Variants in LUZP2 observed in about 807,000 individuals in gnomAD.
LUZP2 encodes leucine zipper protein 2.
LUZP2 carries 52 observed loss-of-function variants against 51.6 expected under a neutral mutation model. The observed-to-expected ratio is 1.01, with a 90% confidence interval of 0.81 to 1.27. LUZP2 has a LOEUF of 1.27. Ranked by LOEUF, LUZP2 falls within the 50% of genes most tolerant of loss-of-function variation. The pLI is 0.00. For missense variants in LUZP2, 436 were observed against 395.4 expected (o/e 1.10, Z -0.87); for synonymous variants, 154 against 137.3 (o/e 1.12, Z -0.85).
intron 7 of LUZP2, among the ~76,000 whole-genome samples, chr11:24,917,061 G>T (rs559399566): frequency 1.3e-5 from 2 of 152,262 alleles, no homozygotes; most frequent in South Asian, 4.2e-4. Flanking sequence ...TTGTGGTTTT[G>T]ATTTGCATTT....
chr11:24,996,569 CT>C (rs1554951921), intron 9 of LUZP2, among the ~76,000 whole-genome samples: 5 of 141,660 alleles, frequency 3.5e-5, no homozygotes, highest in African/African-American at 1.4e-4. Context: ...TTTCTTTTTT[CT>C]TTTTTTATTT....
intron 5 of LUZP2, among the ~76,000 whole-genome samples, chr11:24,770,348 T>A (rs1369119772): frequency 6.6e-6 from 1 of 152,152 alleles, no homozygotes; most frequent in Admixed American, 6.6e-5. Flanking sequence ...AGAGTGGGTT[T>A]GATTCTGGTC....
At chr11:24,799,257 C>T (rs375602654) in intron 5 of LUZP2, among the ~76,000 whole-genome samples, 6 of 152,068 alleles carry the variant, frequency 3.9e-5, no homozygotes, top group African/African-American at 1.4e-4. Context: ...AGAGAGAAAA[C>T]TGAGTAACAC....
rs1857475364 is a variant in LUZP2, at chr11:25,025,874, C to T, written c.766-24164C>T. 2.0e-5 allele frequency among the ~76,000 whole-genome samples: 3 copies of T among 152,084 alleles called. No homozygotes were observed. The South Asian group carries it at 6.2e-4, about 32-fold the overall frequency. ...TTTATTGTGGCACTATTCACAATAG[C>T]AAAGACTTCGAACCAACCCAAATGT... On this transcript the variant is annotated intron_variant, in intron 9 of 11. Transcript: ENST00000336930.
At chr11:24,554,863 G>A (rs1040225600) in intron 1 of LUZP2, among the ~76,000 whole-genome samples, 1 of 152,036 alleles carries the variant, frequency 6.6e-6, no homozygotes. Context: ...TTGGGAAGAT[G>A]CAACTTTGCA....
At chr11:24,963,816 G>A (rs568075622) in intron 7 of LUZP2, among the ~76,000 whole-genome samples, 12 of 152,178 alleles carry the variant, frequency 7.9e-5, no homozygotes, top group South Asian at 4.2e-4. Flanking sequence ...AGATGAACCC[G>A]GTACCTCAGA....
intron 7 of LUZP2, among the ~76,000 whole-genome samples, chr11:24,952,612 C>T (rs184510774): frequency 1.3e-5 from 2 of 151,558 alleles, no homozygotes; most frequent in Non-Finnish European, 3.0e-5. Flanking sequence ...GTGAGAGATT[C>T]GAAAATGTGG....
chr11:24,675,554 CT>C (rs918753163), intron 1 of LUZP2, among the ~76,000 whole-genome samples: 1 of 152,026 alleles, frequency 6.6e-6, no homozygotes, highest in Non-Finnish European at 1.5e-5. Context: ...AATATTATTT[CT>C]TTACTCAACC....
At chr11:24,665,139 C>G (rs558324159) in intron 1 of LUZP2, among the ~76,000 whole-genome samples, 9 of 152,172 alleles carry the variant, frequency 5.9e-5, no homozygotes, top group Non-Finnish European at 1.0e-4. Flanking sequence ...CTTGCATCAG[C>G]ATGATCTGGA....
intron 7 of LUZP2, among the ~76,000 whole-genome samples, chr11:24,923,113 T>G (rs1257606857): frequency 6.6e-6 from 1 of 151,848 alleles, no homozygotes; most frequent in Non-Finnish European, 1.5e-5. Context: ...CTCCCAAAGT[T>G]CTGGGATGAC....
At chr11:24,664,540 C>A (rs1041930352) in intron 1 of LUZP2, among the ~76,000 whole-genome samples, 12 of 152,074 alleles carry the variant, frequency 7.9e-5, no homozygotes, top group African/African-American at 2.9e-4. Context: ...ACCCTCCTCC[C>A]CCACTCCATC....
At chr11:24,993,242 T>C (rs1484668193) in intron 9 of LUZP2, among the ~76,000 whole-genome samples, 1 of 152,148 alleles carries the variant, frequency 6.6e-6, no homozygotes, top group Admixed American at 6.5e-5. Context: ...TGATATATAA[T>C]GGGAGAAAAT....
chr11:24,559,004 G>C (rs1368135920), intron 1 of LUZP2, among the ~76,000 whole-genome samples: 2 of 152,068 alleles, frequency 1.3e-5, no homozygotes, highest in Admixed American at 6.6e-5. Flanking sequence ...ATAAATTTTG[G>C]AAGGAACATG....
chr11:24,866,389 T>G lies in LUZP2; in HGVS notation c.397-39602T>G, dbSNP rs147407375. The stretch of plus-strand genomic sequence containing the variant: ...ACATATTTCTTGTTGAAATCCACAG[T>G]GACTATCTCAATATGCTATTGGCCA... On this transcript the variant is annotated intron_variant, in intron 5 of 11. Coordinates refer to ENST00000336930, the MANE Select transcript of LUZP2 (RefSeq NM_001009909.4). Among the ~76,000 whole-genome samples, 6 of 152,278 alleles carry G rather than the reference T, an allele frequency of 3.9e-5. No individual in the cohort carries two copies. The East Asian group carries it at 9.7e-4, about 24-fold the overall frequency.
chr11:24,653,254 T>A (rs1335807415), intron 1 of LUZP2, among the ~76,000 whole-genome samples: 1 of 152,026 alleles, frequency 6.6e-6, no homozygotes, highest in Non-Finnish European at 1.5e-5. Flanking sequence ...TCTGGATGTA[T>A]TTTTTAAGTG....
At chr11:24,892,106 T>G in intron 5 of LUZP2, 7 of 985,638 alleles carry the variant, frequency 7.1e-6, no homozygotes, top group Non-Finnish European at 8.4e-6. Flanking sequence ...ACTTACTAGT[T>G]TGATAGGCTC....
chr11:24,938,907 G>A (rs1042045591), intron 7 of LUZP2, among the ~76,000 whole-genome samples: 3 of 152,140 alleles, frequency 2.0e-5, no homozygotes, highest in African/African-American at 7.2e-5. Flanking sequence ...TGTATATCTT[G>A]TTGAAAGAAA....
intron 5 of LUZP2, among the ~76,000 whole-genome samples, chr11:24,803,160 C>G (rs1373991931): frequency 6.6e-6 from 1 of 151,962 alleles, no homozygotes; most frequent in Non-Finnish European, 1.5e-5. Context: ...AAAGAACTCT[C>G]TAAAACTCAA....
chr11:25,065,897 G>T (rs960490820), intron 10 of LUZP2, among the ~76,000 whole-genome samples: 8 of 151,926 alleles, frequency 5.3e-5, no homozygotes, highest in African/African-American at 1.9e-4. Context: ...TGATGACTAC[G>T]TTCTATGACA....
Sources: allele counts gnomAD v4.1 joint callset (sites outside exome capture counted in the v4.1 genomes callset), GRCh38; gene constraint gnomAD v4.1.1; transcripts MANE v1.5; gene names NCBI Gene and HGNC (gene_info 2026-07-23, HGNC 2026-07-21).